Variants in KCNMA1 observed in about 807,000 individuals in gnomAD.
KCNMA1 encodes the protein Calcium-activated potassium channel subunit alpha-1.
KCNMA1 carries 29 observed loss-of-function variants against 140.0 expected under a neutral mutation model. That is an observed-to-expected ratio of 0.21 (90% CI 0.15 to 0.28). KCNMA1 has a LOEUF of 0.28. Ranked by LOEUF, KCNMA1 falls within the 10% of genes least tolerant of loss-of-function variation. The pLI is 1.00. For synonymous variants in KCNMA1, 612 were observed against 611.9 expected (o/e 1.00, Z 0.00); for missense variants, 880 against 1,602.2 (o/e 0.55, Z 7.70).
chr10:77,584,036 A>T (rs1336825671), intron 1 of KCNMA1, among the ~76,000 whole-genome samples: 1 of 152,222 alleles, frequency 6.6e-6, no homozygotes, highest in Non-Finnish European at 1.5e-5. Flanking sequence ...CCTCTTTCAT[A>T]TGTCATGCTT....
chr10:77,571,010 A>G (rs910511277), intron 1 of KCNMA1, among the ~76,000 whole-genome samples: 1 of 152,178 alleles, frequency 6.6e-6, no homozygotes, highest in Admixed American at 6.5e-5. Context: ...AACTTACACA[A>G]ATGTGTGCCA....
chr10:76,970,150 C>G (rs1266367538), intron 19 of KCNMA1, 83 bp from the exon 20 acceptor site: 4 of 1,042,952 alleles, frequency 3.8e-6, no homozygotes, highest in Admixed American at 3.5e-5. Context: ...AGGACACACA[C>G]TCAAGGCTCA....
intron 1 of KCNMA1, among the ~76,000 whole-genome samples, chr10:77,629,286 G>A (rs1353131571): frequency 2.6e-5 from 4 of 152,058 alleles, no homozygotes; most frequent in East Asian, 1.9e-4. Context: ...CTTCCCTCCC[G>A]TGCCTGACTC....
intron 15 of KCNMA1, among the ~76,000 whole-genome samples, chr10:77,032,672 TGATA>T (rs958087013): frequency 6.6e-6 from 1 of 151,884 alleles, no homozygotes; most frequent in African/African-American, 2.4e-5. Context: ...ATTGCTTTCT[TGATA>T]ATTATTAGGT....
chr10:77,553,308 C>T (rs2063315711), intron 1 of KCNMA1, among the ~76,000 whole-genome samples: 2 of 152,078 alleles, frequency 1.3e-5, no homozygotes, highest in Admixed American at 1.3e-4. Context: ...TCAAATGTTC[C>T]TGAATTGGAG....
chr10:76,916,510 GC>G (rs1248957340), intron 23 of KCNMA1, among the ~76,000 whole-genome samples: 4 of 152,188 alleles, frequency 2.6e-5, no homozygotes, highest in Non-Finnish European at 1.5e-5. Flanking sequence ...GCAGCTCCAC[GC>G]AAGTGGCAAG....
chr10:77,594,066 A>G (rs2080049822), intron 1 of KCNMA1, among the ~76,000 whole-genome samples: 1 of 152,160 alleles, frequency 6.6e-6, no homozygotes, highest in African/African-American at 2.4e-5. Flanking sequence ...TAATTAAATA[A>G]AGAGAAATGG....
chr10:77,431,439 T>G (rs940837758), intron 1 of KCNMA1, among the ~76,000 whole-genome samples: 2 of 152,128 alleles, frequency 1.3e-5, no homozygotes, highest in African/African-American at 2.4e-5. Context: ...TAGGGATTTC[T>G]CTAATCCTTT....
At chr10:77,181,841 T>G (rs139747069) in intron 5 of KCNMA1, among the ~76,000 whole-genome samples, 2 of 152,134 alleles carry the variant, frequency 1.3e-5, no homozygotes, top group Non-Finnish European at 2.9e-5. Context: ...CAAAAACTTT[T>G]CCTTAGAGCA....
At chr10:77,230,688 T>C (rs188665216) in intron 3 of KCNMA1, among the ~76,000 whole-genome samples, 15 of 152,262 alleles carry the variant, frequency 9.9e-5, no homozygotes, top group African/African-American at 3.6e-4. Context: ...AAGAACAATA[T>C]TGAGAGAAAT....
rs772878572 is a variant in KCNMA1, at chr10:77,082,002, C to CTTTTTTTTTTTTTTTTTTTT, written c.1524-2453_1524-2452insAAAAAAAAAAAAAAAAAAAA. On this transcript the variant is annotated intron_variant, in intron 12 of 27. Transcript: ENST00000286628. Reference sequence around the variant, plus strand: ...CCTTTGACCAGTAATTTCTTTTTTTCTTTTCTTTTTTTTTTTTTTTTTTTT... The same window carrying CTTTTTTTTTTTTTTTTTTTT: ...CCTTTGACCAGTAATTTCTTTTTTTCTTTTTTTTTTTTTTTTTTTTTTTTCTTTTTTTTTTTTTTTTTTTT... Among the ~76,000 whole-genome samples, 26 of 51,690 alleles carry CTTTTTTTTTTTTTTTTTTTT rather than the reference C, an allele frequency of 5.0e-4. 6 individuals carry two copies. Among genetic ancestry groups the CTTTTTTTTTTTTTTTTTTTT allele is most frequent in the South Asian group, 6.5e-4 (1 of 1,532 alleles). The allele number at this position is 51,690 out of a possible 152,430, so 33.9% of individuals were successfully genotyped here. A position where few individuals can be genotyped will look rare whatever the true frequency, so the allele number is the denominator to read the frequency against.
Position 76,889,603 on chromosome 10 carries a change from C to A in KCNMA1, c.3343-34G>T, listed in dbSNP as rs1564726368. 6.7e-6 allele frequency: 10 copies of A among 1,494,640 alleles called. No individual in the cohort carries two copies. In the East Asian group the frequency reaches 9.0e-5, roughly 13 times the overall value. 92.6% of individuals were successfully genotyped at this position (1,494,640 alleles called of 1,614,324 possible). A position where few individuals can be genotyped will look rare whatever the true frequency, so the allele number is the denominator to read the frequency against. On this transcript the variant is annotated intron_variant, in intron 26 of 27. Transcript: ENST00000286628. ...CAGCAAAAGAACAGAGAGAAACATC[C>A]TTTTTATTTGCCTGAAAATCAAGGG... is the stretch of plus-strand genomic sequence containing the variant.
intron 1 of KCNMA1, among the ~76,000 whole-genome samples, chr10:77,604,663 C>A (rs185932527): frequency 6.6e-6 from 1 of 152,216 alleles, no homozygotes; most frequent in Non-Finnish European, 1.5e-5. Flanking sequence ...CTCCAGCCTG[C>A]ACAACAGAGC....
At position 77,540,637 on chromosome 10, in the gene KCNMA1, A is replaced by G. The variant is rs139334669; in HGVS notation, c.378+96628T>C. Reference sequence around the variant, plus strand: ...CTGAATATTTTGAATACATTATTTGAGTAAAAATACTGTTATCACTTTCAA... The same window carrying G: ...CTGAATATTTTGAATACATTATTTGGGTAAAAATACTGTTATCACTTTCAA... On this transcript the variant is annotated intron_variant, in intron 1 of 27. Coordinates refer to ENST00000286628, the MANE Select transcript of KCNMA1 (RefSeq NM_001161352.2). 4.6e-4 allele frequency among the ~76,000 whole-genome samples: 70 copies of G among 152,346 alleles called. No individual in the cohort carries two copies. In the East Asian group the frequency reaches 0.013, roughly 27 times the overall value.
intron 2 of KCNMA1, among the ~76,000 whole-genome samples, chr10:77,338,401 C>T (rs989829108): frequency 6.6e-6 from 1 of 152,174 alleles, no homozygotes; most frequent in African/African-American, 2.4e-5. Flanking sequence ...CAGGGTGGGG[C>T]TTTTTCTCTT....
Position 77,637,467 on chromosome 10 carries a change from G to A in KCNMA1, c.176C>T (p.Ser59Phe). 5.0e-6 allele frequency: 8 copies of A among 1,611,580 alleles called. No homozygotes were observed. The Middle Eastern group carries it at 6.6e-4, about 133-fold the overall frequency. The stretch of plus-strand genomic sequence containing the variant: ...ATCCATCTTGGGCTCGTGGACCGAG[G>A]ACGAGGAGGAAGAGGAGGAGGAAGA... ...SSSSSSSSSS[S>F]SVHEPKMDAL... Residue 59 changes from serine to phenylalanine, a missense_variant, in exon 1 of 28, where the codon TCC becomes TTC. By Grantham distance (155) the Ser-to-Phe change is radical (BLOSUM62 -2). This residue lies in a region of KCNMA1 where 94 missense variants were observed against 92.4 expected (regional missense o/e 1.02). Transcript: ENST00000286628.
intron 5 of KCNMA1, among the ~76,000 whole-genome samples, chr10:77,153,453 C>A (rs1347634022): frequency 1.3e-5 from 2 of 152,076 alleles, no homozygotes; most frequent in African/African-American, 4.8e-5. Flanking sequence ...CTCACTGCAA[C>A]CTCAGTCTCC....
rs147834138 is a variant in KCNMA1 at position 77,519,516 on chromosome 10, T to A, written c.379-115493A>T. 1.6e-4 allele frequency among the ~76,000 whole-genome samples: 24 copies of A among 152,184 alleles called. 2 individuals carry two copies. The East Asian group carries it at 4.4e-3, about 28-fold the overall frequency. Reference sequence around the variant, plus strand: ...ATTGATTTTTTTTTTGTTTTATGATTATTTGCGGGCACTGGTTCTCTTTCC... The same window carrying A: ...ATTGATTTTTTTTTTGTTTTATGATAATTTGCGGGCACTGGTTCTCTTTCC... On this transcript the variant is annotated intron_variant, in intron 1 of 27. Transcript: ENST00000286628.
At chr10:77,274,581 T>C (rs900697315) in intron 2 of KCNMA1, among the ~76,000 whole-genome samples, 5 of 152,224 alleles carry the variant, frequency 3.3e-5, no homozygotes, top group Non-Finnish European at 7.3e-5. Flanking sequence ...CTAGCAGAGC[T>C]GCTGAACCAT....
Sources: allele counts gnomAD v4.1 joint callset (sites outside exome capture counted in the v4.1 genomes callset), GRCh38; gene constraint gnomAD v4.1.1; regional missense constraint gnomAD v4.1.1; transcripts MANE v1.5; gene names NCBI Gene and HGNC (gene_info 2026-07-23, HGNC 2026-07-21).